The following ZFYVE28 variants were observed in gnomAD, a reference collection of about 807,000 sequenced individuals.
The protein encoded by ZFYVE28 is lateral signaling target protein 2 homolog.
Under a neutral mutation model 82.1 loss-of-function variants are expected in ZFYVE28, and 40 were observed. The observed-to-expected ratio is 0.49, with a 90% confidence interval of 0.38 to 0.63. The LOEUF is 0.63. Among genes scored for constraint, ZFYVE28 ranks in the 30% least tolerant of loss-of-function variants. The probability of loss-of-function intolerance (pLI) is 0.00; values close to 1 mark genes in which losing one functional copy is unlikely to be tolerated. For missense variants in ZFYVE28, 1,321 were observed against 1,242.1 expected (o/e 1.06, Z -0.96); for synonymous variants, 612 against 546.1 (o/e 1.12, Z -1.68).
intron 1 of ZFYVE28, among the ~76,000 whole-genome samples, chr4:2,366,982 A>G (rs1726961363): frequency 6.6e-6 from 1 of 152,268 alleles, no homozygotes; most frequent in African/African-American, 2.4e-5. Context: ...TTTCAAAGGG[A>G]AAATGAATTT....
intron 1 of ZFYVE28, among the ~76,000 whole-genome samples, chr4:2,387,051 GA>G (rs1729333389): frequency 7.6e-6 from 1 of 131,546 alleles, no homozygotes; most frequent in African/African-American, 3.4e-5. Context: ...CAGACTGCAG[GA>G]GACTCCGGGG....
intron 1 of ZFYVE28, among the ~76,000 whole-genome samples, chr4:2,371,454 G>A (rs552837371): frequency 1.3e-5 from 2 of 152,130 alleles, no homozygotes; most frequent in African/African-American, 2.4e-5. Context: ...TTTATCAGAG[G>A]ATAAAAATTA....
chr4:2,397,339 G>A (rs1004962537), intron 1 of ZFYVE28, among the ~76,000 whole-genome samples: 4 of 151,906 alleles, frequency 2.6e-5, no homozygotes, highest in African/African-American at 4.8e-5. Context: ...TTAGCCTTAC[G>A]TGGCGGCACG....
chr4:2,391,892 C>T (rs1473642547), intron 1 of ZFYVE28, among the ~76,000 whole-genome samples: 1 of 151,870 alleles, frequency 6.6e-6, no homozygotes, highest in African/African-American at 2.4e-5. Flanking sequence ...CCCACCACCA[C>T]GCCCAGCTAA....
chr4:2,290,243 G>C (rs1285694067), intron 8 of ZFYVE28, among the ~76,000 whole-genome samples: 1 of 152,224 alleles, frequency 6.6e-6, no homozygotes, highest in Non-Finnish European at 1.5e-5. Flanking sequence ...CAGTCCCCAG[G>C]ACCATGCCAC....
At chr4:2,355,199 AATATATATATATATATATAT>A (rs71167785) in intron 1 of ZFYVE28, among the ~76,000 whole-genome samples, 29 of 48,934 alleles carry the variant, frequency 5.9e-4, no homozygotes, top group Admixed American at 1.2e-3. Flanking sequence ...AGTCCTTGAA[AATATATATATATATATATAT>A]ATATATATAT....
In ZFYVE28 at chr4:2,304,568, A is replaced by G. The variant is rs1212032990; in HGVS notation, c.1772T>C (p.Ile591Thr). Residue 591 changes from isoleucine (I) to threonine (T), a missense_variant, in exon 8 of 13, where the codon ATT (isoleucine) becomes ACT (threonine). By Grantham distance (89) the Ile-to-Thr change is moderately conservative. Around this residue, in one of 2 missense-constraint regions of ZFYVE28, gnomAD observed 978 missense variants for 833.7 expected, o/e 1.17. Coordinates refer to ENST00000290974, the MANE Select transcript of ZFYVE28 (RefSeq NM_020972.3). ...LREKCSPGGV[I>T]GASYAAGLAK... Reference sequence around the variant, plus strand: ...TAAGCCGGCAGCGTACGAGGCACCAATGACGCCTCCCGGGCTGCACTTCTC... The same window carrying G: ...TAAGCCGGCAGCGTACGAGGCACCAGTGACGCCTCCCGGGCTGCACTTCTC... 8 of 1,612,678 alleles carry G rather than the reference A, an allele frequency of 5.0e-6. No individual in the cohort carries two copies. The highest frequency in any genetic ancestry group is 1.6e-4 in the Middle Eastern group (1 of 6,062).
At chr4:2,355,954 G>A (rs912978346) in intron 1 of ZFYVE28, among the ~76,000 whole-genome samples, 14 of 152,182 alleles carry the variant, frequency 9.2e-5, no homozygotes, top group Admixed American at 6.5e-4. Context: ...ACCAAATCGC[G>A]CACAGTTCGA....
intron 1 of ZFYVE28, among the ~76,000 whole-genome samples, chr4:2,367,591 T>A (rs1164629145): frequency 6.6e-6 from 1 of 152,276 alleles, no homozygotes; most frequent in African/African-American, 2.4e-5. Flanking sequence ...AGAACTGGGC[T>A]TGTTCCTTTA....
intron 8 of ZFYVE28, among the ~76,000 whole-genome samples, chr4:2,274,952 G>A (rs746295092): frequency 7.9e-5 from 11 of 139,320 alleles, no homozygotes; most frequent in Middle Eastern, 3.3e-3. Flanking sequence ...CTCCGACTGC[G>A]AGACAGTTTC....
chr4:2,341,288 G>A lies in ZFYVE28; in HGVS notation c.318+190C>T. On this transcript the variant is annotated intron_variant, in intron 3 of 12. Coordinates refer to ENST00000290974, the MANE Select transcript of ZFYVE28 (RefSeq NM_020972.3). The surrounding 1 kb of genome is among the most constrained non-coding windows in gnomAD (Gnocchi z 4.5). ...ATAGTTTTGGGGGCACCAGTTCATGGCTTTCCCAGATCCTCCAGGGGTGCA... is the reference window on the plus strand; with the variant it reads ...ATAGTTTTGGGGGCACCAGTTCATGACTTTCCCAGATCCTCCAGGGGTGCA... 1.4e-6 allele frequency: 1 copy of A among 733,418 alleles called. No individual in the cohort carries two copies. The highest frequency in any genetic ancestry group is 2.2e-6 in the Non-Finnish European group (1 of 452,960). 45.4% of individuals were successfully genotyped at this position (733,418 alleles called of 1,614,324 possible). A position where few individuals can be genotyped will look rare whatever the true frequency, so the allele number is the denominator to read the frequency against.
chr4:2,353,748 C>T (rs962129404), intron 2 of ZFYVE28, among the ~76,000 whole-genome samples, 185 bp downstream of exon 2: 7 of 152,164 alleles, frequency 4.6e-5, no homozygotes, highest in Admixed American at 2.0e-4. Context: ...ACTTCCAGCC[C>T]GGCTACCCAC....
chr4:2,273,367 C>G, intron 9 of ZFYVE28, 78 bp from the exon 10 acceptor site: 1 of 1,246,020 alleles, frequency 8.0e-7, no homozygotes, highest in South Asian at 1.3e-5. Context: ...GCGGGCTGGG[C>G]AGACCCAGCC....
At chr4:2,336,834 G>GA (rs1721830720) in intron 5 of ZFYVE28, among the ~76,000 whole-genome samples, 1 of 147,594 alleles carries the variant, frequency 6.8e-6, no homozygotes, top group South Asian at 2.2e-4. Flanking sequence ...AGGAGGTGAG[G>GA]AGTGAGGAGG....
rs1716301529 is a variant in ZFYVE28, at chr4:2,304,904, C to T, written c.1436G>A (p.Cys479Tyr). 8 of 1,612,736 alleles carry T rather than the reference C, an allele frequency of 5.0e-6. No individual in the cohort carries two copies. Among genetic ancestry groups the T allele is most frequent in the African/African-American group, 1.3e-5 (1 of 75,052 alleles). ...GTGCAGCCGCGAGTCCAGGCAGCTGCAGGAGCTGGTGCCCGCGAGGCTGGC... is the reference window on the plus strand; with the variant it reads ...GTGCAGCCGCGAGTCCAGGCAGCTGTAGGAGCTGGTGCCCGCGAGGCTGGC... ...DGASLAGTSS[C>Y]SCLDSRLHLD... The change falls in exon 8 of 13, where the codon TGC (cysteine) becomes TAC (tyrosine). Residue 479 changes from cysteine to tyrosine, a missense_variant. Around this residue, in one of 2 missense-constraint regions of ZFYVE28, gnomAD observed 978 missense variants for 833.7 expected, o/e 1.17. Coordinates refer to ENST00000290974, the MANE Select transcript of ZFYVE28 (RefSeq NM_020972.3).
rs147591719 is a variant in ZFYVE28, at chr4:2,271,400, C to T, written c.2443G>A (p.Val815Met). The change falls in exon 12 of 13, where the codon GTG becomes ATG. Residue 815 changes from valine (V) to methionine (M), a missense_variant. By Grantham distance (21) the Val-to-Met change is conservative. This residue lies in a region of ZFYVE28 where 978 missense variants were observed against 833.7 expected (regional missense o/e 1.17). Coordinates refer to ENST00000290974, the MANE Select transcript of ZFYVE28 (RefSeq NM_020972.3). ...CAGAAGCCACAGGCCTCGTCTGGCA[C>T]CCACTCCGGGGGGTCTGTCACAACA... ...DGDFEDPPEW[V>M]PDEACGFCTA... is the part of the protein sequence containing the mutation. The T allele has an allele frequency of 2.6e-5, 42 of 1,612,720 alleles. No homozygotes were observed. In the African/African-American group the frequency reaches 5.1e-4, roughly 19 times the overall value.
chr4:2,406,293 AC>A (rs57701834), intron 1 of ZFYVE28, among the ~76,000 whole-genome samples: 20,929 of 151,682 alleles, frequency 0.14, 1,813 homozygotes, highest in East Asian at 0.33. Flanking sequence ...AATCACTTGA[AC>A]CCAGGAGGCA....
intron 7 of ZFYVE28, among the ~76,000 whole-genome samples, chr4:2,317,137 C>T (rs895499157): frequency 6.6e-6 from 1 of 151,918 alleles, no homozygotes; most frequent in Admixed American, 6.6e-5. Context: ...TACAGGAATG[C>T]ACCACCATGT....
Position 2,304,966 on chromosome 4 carries a change from C to G in ZFYVE28, c.1374G>C (p.Leu458Phe). 6.2e-7 allele frequency: 1 copy of G among 1,612,752 alleles called. No homozygotes were observed. The highest frequency in any genetic ancestry group is 2.2e-5 in the East Asian group (1 of 44,868). The stretch of plus-strand genomic sequence containing the variant: ...CCTCGGCCTCGAGATTGTTGTTGCT[C>G]AAGTCCTCCTCCTTTTCCGAGGCGG... ...SLPASEKEED[L>F]SNNNLEAEGT... Residue 458 changes from leucine (L) to phenylalanine (F), a missense_variant, in exon 8 of 13, where the codon TTG (leucine) becomes TTC (phenylalanine). Physicochemically the swap from Leu to Phe is conservative, Grantham distance 22. Transcript: ENST00000290974.
Sources: allele counts gnomAD v4.1 joint callset (sites outside exome capture counted in the v4.1 genomes callset), GRCh38; gene constraint gnomAD v4.1.1; regional missense constraint gnomAD v4.1.1; non-coding constraint Gnocchi (gnomAD v3.1); transcripts MANE v1.5; gene names NCBI Gene and HGNC (gene_info 2026-07-23, HGNC 2026-07-21).